Variants in PRKG1 observed in about 807,000 individuals in gnomAD.
The protein encoded by PRKG1 is cGMP-dependent protein kinase 1.
In PRKG1, 35 loss-of-function variants were observed where a neutral mutation model predicts 88.1. That is an observed-to-expected ratio of 0.40 (90% CI 0.30 to 0.53). The LOEUF (loss-of-function observed/expected upper bound fraction) is 0.53. Among genes scored for constraint, PRKG1 ranks in the 20% least tolerant of loss-of-function variants. PRKG1 has a pLI of 0.59. For missense variants in PRKG1, 540 were observed against 839.8 expected (o/e 0.64, Z 4.41); for synonymous variants, 303 against 292.5 (o/e 1.04, Z -0.37).
chr10:51,811,613 C>T (rs1286172984), intron 4 of PRKG1, among the ~76,000 whole-genome samples: 1 of 152,174 alleles, frequency 6.6e-6, no homozygotes, highest in African/African-American at 2.4e-5. Context: ...AAAATGATCC[C>T]TGTGCCTGGG....
chr10:51,911,293 C>T (rs1842209896), intron 5 of PRKG1: 1 of 143,544 alleles, frequency 7.0e-6, no homozygotes, highest in African/African-American at 2.6e-5. Flanking sequence ...AACTAAAGCA[C>T]AAATTTATTA....
intron 2 of PRKG1, among the ~76,000 whole-genome samples, chr10:51,422,511 C>T (rs1051953867): frequency 3.9e-5 from 6 of 152,158 alleles, no homozygotes; most frequent in African/African-American, 1.2e-4. Context: ...GGCAGCTCCT[C>T]CACACAGGGC....
At chr10:51,052,488 G>A (rs1843575030) in intron 1 of PRKG1, among the ~76,000 whole-genome samples, 1 of 152,130 alleles carries the variant, frequency 6.6e-6, no homozygotes, top group African/African-American at 2.4e-5. Context: ...TAAGAAGAAA[G>A]TTGCCCAAAT....
At chr10:51,399,911 T>C (rs940096393) in intron 2 of PRKG1, among the ~76,000 whole-genome samples, 4 of 152,168 alleles carry the variant, frequency 2.6e-5, no homozygotes, top group South Asian at 2.1e-4. Flanking sequence ...GGTCTCCTCA[T>C]TGGGCAGGAT....
intron 1 of PRKG1, among the ~76,000 whole-genome samples, chr10:51,038,299 A>T (rs1213434396): frequency 6.6e-6 from 1 of 152,254 alleles, no homozygotes; most frequent in African/African-American, 2.4e-5. Context: ...TATTACCTCA[A>T]GCATTTATCC....
Position 51,788,013 on chromosome 10 carries a change from C to T in PRKG1, c.593-16572C>T, listed in dbSNP as rs186815958. On this transcript the variant is annotated intron_variant, in intron 3 of 17. Coordinates refer to ENST00000373980, the MANE Select transcript of PRKG1 (RefSeq NM_006258.4). The stretch of plus-strand genomic sequence containing the variant: ...AGTTGAGCAAGTCATTAGGGAGACT[C>T]GATAACACTCTGAGTATCATTGTGT... Among the ~76,000 whole-genome samples the T allele has an allele frequency of 2.5e-3, 388 of 152,190 alleles. 1 individual carries two copies. The highest frequency in any genetic ancestry group is 6.5e-3 in the Admixed American group (100 of 15,276).
intron 12 of PRKG1, among the ~76,000 whole-genome samples, chr10:52,275,054 C>T (rs954686204): frequency 1.3e-5 from 2 of 151,850 alleles, no homozygotes; most frequent in African/African-American, 4.8e-5. Flanking sequence ...CTGATTTGTT[C>T]GAGTTTGCTG....
intron 3 of PRKG1, among the ~76,000 whole-genome samples, chr10:51,573,442 A>G (rs1051544761): frequency 6.6e-6 from 1 of 151,966 alleles, no homozygotes; most frequent in Non-Finnish European, 1.5e-5. Context: ...GGGTTTACTT[A>G]GATTCATTAT....
At chr10:51,015,888 GA>G (rs1843051825) in intron 1 of PRKG1, among the ~76,000 whole-genome samples, 2 of 151,204 alleles carry the variant, frequency 1.3e-5, no homozygotes, top group Non-Finnish European at 3.0e-5. Context: ...ACTCTGTCTC[GA>G]AAAAAAGAAA....
chr10:51,187,611 A>C (rs543891810), intron 2 of PRKG1, among the ~76,000 whole-genome samples: 14 of 152,096 alleles, frequency 9.2e-5, no homozygotes, highest in African/African-American at 3.4e-4. Flanking sequence ...ATTTAGGTAG[A>C]AATTAGAATA....
intron 3 of PRKG1, among the ~76,000 whole-genome samples, chr10:51,522,562 A>C (rs2132078706): frequency 6.6e-6 from 1 of 151,950 alleles, no homozygotes; most frequent in East Asian, 1.9e-4. Context: ...CATCATGTTC[A>C]AATACTTCCT....
intron 3 of PRKG1, among the ~76,000 whole-genome samples, chr10:51,777,075 A>G (rs1478574085): frequency 6.6e-6 from 1 of 152,104 alleles, no homozygotes; most frequent in Non-Finnish European, 1.5e-5. Context: ...ACAGAACATT[A>G]TAGTTTACTT....
At chr10:51,509,082 T>C (rs374287009) in intron 3 of PRKG1, among the ~76,000 whole-genome samples, 3 of 152,190 alleles carry the variant, frequency 2.0e-5, no homozygotes, top group Non-Finnish European at 4.4e-5. Context: ...TAATATTCAT[T>C]AGTAATGTTA....
chr10:52,022,995 C>T (rs974166807), intron 5 of PRKG1, among the ~76,000 whole-genome samples: 2 of 151,954 alleles, frequency 1.3e-5, no homozygotes, highest in African/African-American at 4.8e-5. Flanking sequence ...TATACACGTG[C>T]CAAGGTGGTT....
chr10:51,457,291 T>A (rs886474869), intron 2 of PRKG1, among the ~76,000 whole-genome samples: 1 of 152,068 alleles, frequency 6.6e-6, no homozygotes, highest in Non-Finnish European at 1.5e-5. Flanking sequence ...CTGGATGGAG[T>A]TGGAGACCAT....
chr10:51,021,449 A>T (rs1021851755), intron 1 of PRKG1, among the ~76,000 whole-genome samples: 1 of 152,170 alleles, frequency 6.6e-6, no homozygotes, highest in Non-Finnish European at 1.5e-5. Flanking sequence ...AAACTTTCCT[A>T]TTTGATTATT....
intron 3 of PRKG1, among the ~76,000 whole-genome samples, chr10:51,491,893 A>G (rs1840716280): frequency 6.6e-6 from 1 of 152,110 alleles, no homozygotes; most frequent in African/African-American, 2.4e-5. Context: ...TGTAGAAGTC[A>G]TCCTATTTTG....
At chr10:51,821,728 C>G (rs1006910104) in intron 4 of PRKG1, among the ~76,000 whole-genome samples, 1 of 151,786 alleles carries the variant, frequency 6.6e-6, no homozygotes, top group Non-Finnish European at 1.5e-5. Context: ...ACTTAAATGT[C>G]TGAACTAATA....
At chr10:52,153,659 C>T (rs1374164760) in intron 8 of PRKG1, among the ~76,000 whole-genome samples, 1 of 152,188 alleles carries the variant, frequency 6.6e-6, no homozygotes, top group Non-Finnish European at 1.5e-5. Context: ...AGAAACCAGT[C>T]TCACAGAGTA....
Sources: gnomAD v4.1 joint callset for allele counts (sites outside exome capture counted in the v4.1 genomes callset) on GRCh38, gnomAD v4.1.1 for gene constraint, MANE v1.5 for transcripts, NCBI Gene and HGNC (gene_info 2026-07-23, HGNC 2026-07-21) for gene names.